Variants in OR56A3 observed in about 807,000 individuals in gnomAD.
The protein encoded by OR56A3 is olfactory receptor 56A3.
Under a neutral mutation model 17.5 loss-of-function variants are expected in OR56A3, and 23 were observed. That is an observed-to-expected ratio of 1.32 (90% CI 0.95 to 1.87). The LOEUF is 1.87. Among genes scored for constraint, OR56A3 ranks in the 40% most tolerant of loss-of-function variants. The pLI, the probability that OR56A3 is intolerant of heterozygous loss-of-function variation, is 0.00. For missense variants in OR56A3, 366 were observed against 380.1 expected (o/e 0.96, Z 0.31); for synonymous variants, 175 against 150.6 (o/e 1.16, Z -1.19).
chr11:6,002,980 T>C, the OR56A3 span: 1 of 1,614,118 alleles, frequency 6.2e-7, no homozygotes. Context: ...GAGTCATTGC[T>C]GGGAGATGCC....
the OR56A3 span, among the ~76,000 whole-genome samples, chr11:5,997,474 C>T: frequency 6.6e-6 from 1 of 152,206 alleles, no homozygotes; most frequent in Admixed American, 6.5e-5. Context: ...CTAAGCTCCA[C>T]TCTGCCACTT....
chr11:5,952,530 AC>A (rs1379972257), downstream of OR56A3, among the ~76,000 whole-genome samples: 1 of 151,994 alleles, frequency 6.6e-6, no homozygotes, highest in Non-Finnish European at 1.5e-5. Context: ...GTTTTTCTCA[AC>A]TTTTATTTTA....
the OR56A3 span, chr11:6,021,729 A>C: frequency 1.3e-5 from 2 of 152,058 alleles, no homozygotes; most frequent in Non-Finnish European, 2.9e-5. Context: ...AGATGGCATT[A>C]AAAAAACAAT....
the OR56A3 span, among the ~76,000 whole-genome samples, chr11:6,008,791 A>AG: frequency 3.6e-3 from 549 of 152,226 alleles, 5 homozygotes; most frequent in African/African-American, 0.013. Context: ...GCCATCTTAG[A>AG]GGGAGACCAA....
the OR56A3 span, chr11:5,968,229 C>A: frequency 1.2e-6 from 2 of 1,614,118 alleles, no homozygotes; most frequent in East Asian, 4.5e-5. Context: ...GAGGTCAAAC[C>A]AGAAGATGGC....
At chr11:6,003,068 C>A in the OR56A3 span, 4 of 1,613,322 alleles carry the variant, frequency 2.5e-6, no homozygotes, top group Non-Finnish European at 2.5e-6. Context: ...ATAAAAAGTA[C>A]ATTCTAGACG....
the OR56A3 span, chr11:6,001,936 C>T: frequency 1.8e-5 from 19 of 1,046,754 alleles, no homozygotes; most frequent in African/African-American, 9.6e-5. Flanking sequence ...CAGAAGAATC[C>T]GAACTCAGGC....
chr11:5,993,037 T>G, the OR56A3 span, among the ~76,000 whole-genome samples: 4 of 152,184 alleles, frequency 2.6e-5, no homozygotes, highest in Non-Finnish European at 5.9e-5. Flanking sequence ...AAGCCCTCCC[T>G]ATTCAAGTTA....
the OR56A3 span, among the ~76,000 whole-genome samples, chr11:5,987,422 G>C: frequency 2.6e-5 from 4 of 152,000 alleles, no homozygotes; most frequent in Admixed American, 6.5e-5. Flanking sequence ...TCTCTTAATT[G>C]ACTTCATTTA....
chr11:6,004,052 G>A, the OR56A3 span, among the ~76,000 whole-genome samples: 1 of 152,208 alleles, frequency 6.6e-6, no homozygotes, highest in African/African-American at 2.4e-5. Flanking sequence ...GACTGTCACA[G>A]TCAAAGAGGC....
In OR56A3 at chr11:5,948,431, C is replaced by T. The variant is rs750906138; in HGVS notation, c.*137C>T. 19 of 611,078 alleles carry T rather than the reference C, an allele frequency of 3.1e-5. No individual in the cohort carries two copies. Among genetic ancestry groups the T allele is most frequent in the African/African-American group, 5.5e-5 (3 of 54,190 alleles). 37.9% of individuals were successfully genotyped at this position (611,078 alleles called of 1,614,324 possible). A position where few individuals can be genotyped will look rare whatever the true frequency, so the allele number is the denominator to read the frequency against. On this transcript the variant is annotated 3_prime_UTR_variant, in exon 3 of 3. Coordinates refer to ENST00000641160, the MANE Select transcript of OR56A3 (RefSeq NM_001003443.3). ...AGATATTGTGTGTGCTTTTCAAAAA[C>T]ATCGGTTTTAATTTAAGTCTATCTT...
the OR56A3 span, among the ~76,000 whole-genome samples, chr11:5,996,371 A>C: frequency 6.6e-6 from 1 of 152,202 alleles, no homozygotes; most frequent in East Asian, 1.9e-4. Flanking sequence ...GAGATAATCA[A>C]CACATCCAAA....
the OR56A3 span, chr11:5,987,132 G>T: frequency 6.6e-6 from 4 of 605,116 alleles, no homozygotes; most frequent in Admixed American, 1.2e-4. Context: ...TTAGAGATAA[G>T]AGTAAACATA....
chr11:6,006,258 C>G, the OR56A3 span: 1 of 152,076 alleles, frequency 6.6e-6, no homozygotes, highest in Admixed American at 6.6e-5. Flanking sequence ...CCTTGTAATT[C>G]CTTAATAGCT....
the OR56A3 span, among the ~76,000 whole-genome samples, chr11:5,991,911 T>A: frequency 5.9e-5 from 9 of 152,148 alleles, no homozygotes; most frequent in Non-Finnish European, 8.8e-5. Context: ...AGCCCCCAGA[T>A]TGGCTGGAAA....
chr11:5,961,752 TAAAAAAAAAAAAA>T, the OR56A3 span, among the ~76,000 whole-genome samples: 3 of 134,480 alleles, frequency 2.2e-5, no homozygotes, highest in Non-Finnish European at 4.8e-5. Flanking sequence ...AATAAATACT[TAAAAAAAAAAAAA>T]AAAAAGAAAG....
the OR56A3 span, among the ~76,000 whole-genome samples, chr11:5,972,979 T>C: frequency 6.6e-6 from 1 of 152,326 alleles, no homozygotes. Context: ...AAACATTCTC[T>C]TATTCTACAT....
the OR56A3 span, among the ~76,000 whole-genome samples, chr11:5,965,403 G>C: frequency 6.6e-6 from 1 of 152,156 alleles, no homozygotes; most frequent in Non-Finnish European, 1.5e-5. Context: ...GGCCAAATCA[G>C]TATGCCTGGA....
the OR56A3 span, among the ~76,000 whole-genome samples, chr11:5,971,801 A>G: frequency 6.6e-6 from 1 of 152,196 alleles, no homozygotes; most frequent in Non-Finnish European, 1.5e-5. Context: ...GTCCAATTCA[A>G]TGCACCTTGA....
Sources: gnomAD v4.1 joint callset for allele counts (sites outside exome capture counted in the v4.1 genomes callset) on GRCh38, gnomAD v4.1.1 for gene constraint, MANE v1.5 for transcripts, NCBI Gene and HGNC (gene_info 2026-07-23, HGNC 2026-07-21) for gene names.